The following SPEN variants were observed in gnomAD, a reference collection of about 807,000 sequenced individuals.
SPEN encodes the protein spen family transcriptional repressor.
In SPEN, 18 loss-of-function variants were observed where a neutral mutation model predicts 269.9. The ratio of observed to expected loss-of-function variants is 0.07; its 90% CI spans 0.05 to 0.10. The LOEUF (loss-of-function observed/expected upper bound fraction) is 0.10. SPEN is among the 10% of genes least tolerant of loss of function. The pLI is 1.00. For missense variants in SPEN, 3,822 were observed against 4,631.2 expected, an observed-to-expected ratio of 0.83 and a Z score of 5.07; for synonymous variants, 1,726 against 1,765.7, an observed-to-expected ratio of 0.98 and a Z score of 0.56.
chr1:15,867,776 A>C (rs762107835), intron 1 of SPEN, among the ~76,000 whole-genome samples: 1 of 142,762 alleles, frequency 7.0e-6, no homozygotes, highest in Admixed American at 7.1e-5. Context: ...TTTGATTTTG[A>C]TTTCCCTAAT....
In SPEN at chr1:15,930,282, G is replaced by T. The variant is rs756424362; in HGVS notation, c.4042G>T (p.Ala1348Ser). ...TTGGGACTCTCAGATGAAACAGGAT[G>T]CTGGCAGATTTGATGTGAGTTTCCC... ...NRWDSQMKQD[A>S]GRFDVSFPNS... Residue 1348 changes from alanine to serine, a missense_variant, in exon 11 of 15, where the codon GCT becomes TCT. Ala to Ser is a moderately conservative substitution (Grantham distance 99). Transcript: ENST00000375759. This position sits in a 1 kb window ranked among gnomAD's most constrained non-coding sequence, Gnocchi z 5.3. 9 of 1,614,180 alleles carry T rather than the reference G, an allele frequency of 5.6e-6. No homozygotes were observed. Among genetic ancestry groups the T allele is most frequent in the Non-Finnish European group, 7.6e-6 (9 of 1,180,034 alleles).
intron 3 of SPEN, among the ~76,000 whole-genome samples, chr1:15,902,210 T>C (rs1323304941): frequency 2.0e-5 from 3 of 152,174 alleles, no homozygotes; most frequent in African/African-American, 7.2e-5. Context: ...ATTACAGGCG[T>C]GAGCCACTGT....
At chr1:15,895,913 A>G (rs1371904387) in intron 3 of SPEN, among the ~76,000 whole-genome samples, 3 of 151,812 alleles carry the variant, frequency 2.0e-5, no homozygotes, top group Non-Finnish European at 4.4e-5. Context: ...TGAACTCCTG[A>G]CCTCAGGTGA....
chr1:15,882,153 G>A (rs1349456422), intron 3 of SPEN, among the ~76,000 whole-genome samples: 1 of 152,110 alleles, frequency 6.6e-6, no homozygotes, highest in Non-Finnish European at 1.5e-5. Context: ...GTGAGAACTG[G>A]GCCTTCATGG....
chr1:15,928,044 A>AG lies in SPEN; in HGVS notation c.1851-46dup. ...TTTCATATGTATGATTTTATGCATA[A>AG]GTGATGAGGAAACAAAAGAACTAAT... On this transcript the variant is annotated intron_variant, in intron 10 of 14. Coordinates refer to ENST00000375759, the MANE Select transcript of SPEN (RefSeq NM_015001.3). The surrounding 1 kb of genome is among the most constrained non-coding windows in gnomAD (Gnocchi z 5.7). 6.8e-7 allele frequency: 1 copy of AG among 1,478,340 alleles called. No individual in the cohort carries two copies. Among genetic ancestry groups the AG allele is most frequent in the Non-Finnish European group, 9.2e-7 (1 of 1,091,612 alleles). 91.6% of individuals were successfully genotyped at this position (1,478,340 alleles called of 1,614,324 possible).
chr1:15,938,561 A>C, intron 13 of SPEN, 157 bp from the exon 14 acceptor site: 1 of 611,274 alleles, frequency 1.6e-6, no homozygotes, highest in Non-Finnish European at 2.6e-6. Context: ...AGGTTGAAAA[A>C]AAGCTTTTTT....
At chr1:15,897,316 G>A (rs901023799) in intron 3 of SPEN, among the ~76,000 whole-genome samples, 6 of 151,534 alleles carry the variant, frequency 4.0e-5, no homozygotes, top group South Asian at 2.1e-4. Context: ...AGCCACCCGA[G>A]TAGCTGGGAC....
intron 3 of SPEN, among the ~76,000 whole-genome samples, chr1:15,904,452 C>CAAAAAAAAAAAAA (rs1215369183): frequency 0.01 from 493 of 48,586 alleles, 48 homozygotes; most frequent in Non-Finnish European, 0.014. Context: ...AACTCCATCT[C>CAAAAAAAAAAAAA]AAAAAAAAAA....
In SPEN at chr1:15,936,085, C is replaced by T; in HGVS notation, c.9845C>T (p.Pro3282Leu). The T allele has an allele frequency of 6.2e-7, 1 of 1,604,826 alleles. No individual in the cohort carries two copies. The highest frequency in any genetic ancestry group is 1.1e-5 in the South Asian group (1 of 90,380). The change falls in exon 11 of 15, where the codon CCT becomes CTT. Residue 3282 changes from proline to leucine, a missense_variant. Pro to Leu is a moderately conservative substitution (Grantham distance 98, BLOSUM62 -3). Transcript: ENST00000375759. The stretch of plus-strand genomic sequence containing the variant: ...CCCAGTAACCAACTCCAGGGGCTGC[C>T]TCTGACCCCTCCTGTGGTGGTGACC... ...VTPSNQLQGL[P>L]LTPPVVVTHG...
At chr1:15,853,956 C>T (rs1033727714) in intron 1 of SPEN, among the ~76,000 whole-genome samples, 3 of 151,828 alleles carry the variant, frequency 2.0e-5, no homozygotes, top group Non-Finnish European at 2.9e-5. Context: ...TGAGGCACTG[C>T]GCCTGGCCTA....
intron 1 of SPEN, among the ~76,000 whole-genome samples, chr1:15,863,672 C>G (rs1160574186): frequency 6.6e-6 from 1 of 152,008 alleles, no homozygotes; most frequent in East Asian, 1.9e-4. Flanking sequence ...GAGACCTCAT[C>G]TCTATGGAAA....
chr1:15,888,925 C>T (rs1046866347), intron 3 of SPEN, among the ~76,000 whole-genome samples: 15 of 151,688 alleles, frequency 9.9e-5, no homozygotes, highest in South Asian at 2.1e-4. Context: ...CCACTGCGCC[C>T]GGCCAATCAT....
Position 15,937,671 on chromosome 1 carries a change from C to G in SPEN, c.10509+26C>G. 1 of 1,607,830 alleles carries G rather than the reference C, an allele frequency of 6.2e-7. No individual in the cohort carries two copies. The highest frequency in any genetic ancestry group is 1.3e-5 in the African/African-American group (1 of 74,842). ...GTAAGCATGAGCAGGGGCTGCCCTTCCTGGCCCCCAAGTTTTATGCCATGT... is the reference window on the plus strand; with the variant it reads ...GTAAGCATGAGCAGGGGCTGCCCTTGCTGGCCCCCAAGTTTTATGCCATGT... On this transcript the variant is annotated intron_variant, in intron 12 of 14. Coordinates refer to ENST00000375759, the MANE Select transcript of SPEN (RefSeq NM_015001.3). This position sits in a 1 kb window ranked among gnomAD's most constrained non-coding sequence, Gnocchi z 5.7.
chr1:15,894,587 C>T lies in SPEN; in HGVS notation c.882-14734C>T, dbSNP rs548628836. ...GACGGAGTCTCGCTCTTTCGCCAGG[C>T]TGGAGTGCAGTGATGTGACCCTGGC... On this transcript the variant is annotated intron_variant, in intron 3 of 14. Transcript: ENST00000375759. Among the ~76,000 whole-genome samples the T allele has an allele frequency of 2.2e-4, 30 of 135,260 alleles. No individual in the cohort carries two copies. In the South Asian group the frequency reaches 3.5e-3, roughly 16 times the overall value. The allele number at this position is 135,260 out of a possible 152,430, so 88.7% of individuals were successfully genotyped here. A position where few individuals can be genotyped will look rare whatever the true frequency, so the allele number is the denominator to read the frequency against.
Position 15,876,852 on chromosome 1 carries a change from G to A in SPEN, c.881+174G>A, listed in dbSNP as rs72882595. ...ATTGAATTAACTGTTCTAAGTACTC[G>A]AAGTTAAGTGATGATTTGCAAAGTT... On this transcript the variant is annotated intron_variant, in intron 3 of 14. Transcript: ENST00000375759. The A allele has an allele frequency of 2.4e-3, 1,446 of 600,814 alleles. 27 individuals carry two copies. In the African/African-American group the frequency reaches 0.024, roughly 10 times the overall value. 37.2% of individuals were successfully genotyped at this position (600,814 alleles called of 1,614,324 possible). A position where few individuals can be genotyped will look rare whatever the true frequency, so the allele number is the denominator to read the frequency against.
chr1:15,916,167 G>A lies in SPEN; in HGVS notation c.1283G>A (p.Arg428Lys), dbSNP rs760141792. 11 of 1,612,930 alleles carry A rather than the reference G, an allele frequency of 6.8e-6. No homozygotes were observed. ...AATGAATTTCGCCCCTTGGATGAAA[G>A]GATAGATGAATTTCACCCCAAAGCA... ...SENEFRPLDE[R>K]IDEFHPKATR... The change falls in exon 6 of 15, where the codon AGG (arginine) becomes AAG (lysine). Residue 428 changes from arginine (R) to lysine (K), a missense_variant. Around this residue, in one of 16 missense-constraint regions of SPEN, gnomAD observed 230 missense variants for 426.1 expected, o/e 0.54. Transcript: ENST00000375759.
At chr1:15,858,269 C>G (rs2070407125) in intron 1 of SPEN, among the ~76,000 whole-genome samples, 1 of 149,326 alleles carries the variant, frequency 6.7e-6, no homozygotes, top group African/African-American at 2.5e-5. Flanking sequence ...AAAAAAAGTT[C>G]AGGATCAGAC....
chr1:15,903,746 C>T (rs1398579293), intron 3 of SPEN, among the ~76,000 whole-genome samples: 3 of 152,198 alleles, frequency 2.0e-5, no homozygotes, highest in Non-Finnish European at 4.4e-5. Context: ...CCTCCTGCCT[C>T]AGCCTCCAGA....
chr1:15,895,009 G>A (rs1481422780), intron 3 of SPEN, among the ~76,000 whole-genome samples: 1 of 152,076 alleles, frequency 6.6e-6, no homozygotes, highest in Non-Finnish European at 1.5e-5. Context: ...CGCAAACTCT[G>A]CCTCCCGGGT....
Sources: allele counts gnomAD v4.1 joint callset (sites outside exome capture counted in the v4.1 genomes callset), GRCh38; gene constraint gnomAD v4.1.1; regional missense constraint gnomAD v4.1.1; non-coding constraint Gnocchi (gnomAD v3.1); transcripts MANE v1.5; gene names NCBI Gene and HGNC (gene_info 2026-07-23, HGNC 2026-07-21).